CDH2: variants seen among roughly 807,000 people sequenced by gnomAD.
CDH2 encodes the protein cadherin 2, also known as cadherin-2.
Under a neutral mutation model 92.0 loss-of-function variants are expected in CDH2, and 17 were observed. That is an observed-to-expected ratio of 0.18 (90% CI 0.13 to 0.28). CDH2 has a LOEUF of 0.28. Ranked by LOEUF, CDH2 falls within the 10% of genes least tolerant of loss-of-function variation. The pLI, the probability that CDH2 is intolerant of heterozygous loss-of-function variation, is 1.00. For synonymous variants in CDH2, 419 were observed against 415.9 expected (o/e 1.01, Z -0.09); for missense variants, 862 against 1,133.1 (o/e 0.76, Z 3.44).
intron 2 of CDH2, among the ~76,000 whole-genome samples, chr18:28,123,373 T>G (rs2015623824): frequency 6.6e-6 from 1 of 152,306 alleles, no homozygotes; most frequent in Admixed American, 6.5e-5. Context: ...TTTCATAAAA[T>G]GAAGAATTTT....
At chr18:28,040,925 T>C (rs2013935720) in intron 2 of CDH2, among the ~76,000 whole-genome samples, 2 of 152,122 alleles carry the variant, frequency 1.3e-5, no homozygotes, top group South Asian at 4.1e-4. Context: ...CTCTAAAAGG[T>C]AGATGTTACT....
chr18:27,975,814 T>C (rs1257593165), intron 14 of CDH2, among the ~76,000 whole-genome samples: 1 of 151,918 alleles, frequency 6.6e-6, no homozygotes, highest in African/African-American at 2.4e-5. Context: ...TGAAGGATGG[T>C]GAATGTGGAG....
At chr18:27,962,319 CAGCATATATTTTAGGA>C (rs1345861788) in intron 15 of CDH2, among the ~76,000 whole-genome samples, 1 of 152,146 alleles carries the variant, frequency 6.6e-6, no homozygotes, top group Non-Finnish European at 1.5e-5. Flanking sequence ...TTCAGAAAGG[CAGCATATATTTTAGGA>C]ACAGACAGTA....
intron 2 of CDH2, among the ~76,000 whole-genome samples, chr18:28,036,306 T>C (rs1266819141): frequency 6.6e-6 from 1 of 152,182 alleles, no homozygotes; most frequent in Admixed American, 6.6e-5. Flanking sequence ...TCTGTGATTA[T>C]GTTTTAGTTT....
At chr18:28,100,433 G>A (rs1190399965) in intron 2 of CDH2, among the ~76,000 whole-genome samples, 2 of 151,566 alleles carry the variant, frequency 1.3e-5, no homozygotes, top group African/African-American at 4.9e-5. Flanking sequence ...CCTTCAGATT[G>A]GACTACACCA....
intron 1 of CDH2, among the ~76,000 whole-genome samples, chr18:28,161,354 A>G (rs2016303848): frequency 6.6e-6 from 1 of 152,088 alleles, no homozygotes; most frequent in Non-Finnish European, 1.5e-5. Context: ...CAAGGCGGGC[A>G]TATCACCTAA....
At chr18:28,099,707 A>G (rs1229324306) in intron 2 of CDH2, among the ~76,000 whole-genome samples, 1 of 152,124 alleles carries the variant, frequency 6.6e-6, no homozygotes, top group African/African-American at 2.4e-5. Context: ...CCTTGATAAG[A>G]AAACAAGGCC....
rs549173704 is a variant in CDH2 at position 28,074,140 on chromosome 18, A to G, written c.173-60231T>C. On this transcript the variant is annotated intron_variant, in intron 2 of 15. Coordinates refer to ENST00000269141, the MANE Select transcript of CDH2 (RefSeq NM_001792.5). ...AATGACAACTTGTATTTACATGAAC[A>G]AAGAGGTACAAAGTAGTCATGTAAA... Among the ~76,000 whole-genome samples the G allele has an allele frequency of 2.0e-5, 3 of 152,310 alleles. No individual in the cohort carries two copies. The South Asian group carries it at 6.2e-4, about 32-fold the overall frequency.
chr18:28,075,407 C>T (rs1052599716), intron 2 of CDH2, among the ~76,000 whole-genome samples: 8 of 152,058 alleles, frequency 5.3e-5, no homozygotes, highest in African/African-American at 9.7e-5. Context: ...CTTCTATTTC[C>T]AGGGCCACAC....
chr18:28,038,352 G>T (rs1323152592), intron 2 of CDH2, among the ~76,000 whole-genome samples: 1 of 152,060 alleles, frequency 6.6e-6, no homozygotes, highest in Non-Finnish European at 1.5e-5. Context: ...TAGCCTGGGA[G>T]GTGGAGGCTA....
chr18:28,047,586 T>C (rs1220019), intron 2 of CDH2, among the ~76,000 whole-genome samples: 81,003 of 151,850 alleles, frequency 0.53, 22,260 homozygotes, highest in African/African-American at 0.67. Flanking sequence ...AGAATGAAAC[T>C]GGCCGGGCGC....
chr18:28,163,393 C>T (rs890780535), intron 1 of CDH2, among the ~76,000 whole-genome samples: 3 of 152,214 alleles, frequency 2.0e-5, no homozygotes, highest in Admixed American at 1.3e-4. Context: ...TGTTCCATCA[C>T]CTGGGAGTCT....
chr18:27,938,797 G>T (rs551755841), intron 6 of CDH2, among the ~76,000 whole-genome samples: 6 of 152,106 alleles, frequency 3.9e-5, no homozygotes, highest in Non-Finnish European at 8.8e-5. Flanking sequence ...TAATCTAGCA[G>T]AATTTAAGAC....
At chr18:28,065,112 A>AG (rs2014481602) in intron 2 of CDH2, among the ~76,000 whole-genome samples, 3 of 152,310 alleles carry the variant, frequency 2.0e-5, no homozygotes, top group Admixed American at 1.3e-4. Context: ...CTAGATTCAC[A>AG]GTAACTATCC....
chr18:28,015,958 C>A (rs190166902), intron 2 of CDH2, among the ~76,000 whole-genome samples: 17 of 152,300 alleles, frequency 1.1e-4, no homozygotes, highest in Admixed American at 2.0e-4. Flanking sequence ...CTGCAGTCAT[C>A]CCCTACCTCG....
chr18:27,945,954 T>G (rs1479343121), intron 6 of CDH2, among the ~76,000 whole-genome samples: 1 of 152,038 alleles, frequency 6.6e-6, no homozygotes, highest in Non-Finnish European at 1.5e-5. Flanking sequence ...CAGACTAAAA[T>G]CACACACATA....
chr18:27,947,923 GATATA>G (rs1909316935), downstream of CDH2, among the ~76,000 whole-genome samples: 1 of 150,030 alleles, frequency 6.7e-6, no homozygotes. Flanking sequence ...AGATATAAGT[GATATA>G]ACTTTGATAT....
intron 14 of CDH2, among the ~76,000 whole-genome samples, chr18:27,966,173 G>C (rs2011531042): frequency 6.6e-6 from 1 of 152,018 alleles, no homozygotes; most frequent in African/African-American, 2.4e-5. Flanking sequence ...CCTTAAAATG[G>C]GGGAAAATAG....
At chr18:28,156,225 T>A (rs2016208097) in intron 1 of CDH2, among the ~76,000 whole-genome samples, 1 of 152,212 alleles carries the variant, frequency 6.6e-6, no homozygotes, top group African/African-American at 2.4e-5. Context: ...CTCATTGTCA[T>A]TTCTTTTAAT....
Sources: allele counts gnomAD v4.1 joint callset (sites outside exome capture counted in the v4.1 genomes callset), GRCh38; gene constraint gnomAD v4.1.1; transcripts MANE v1.5; gene names NCBI Gene and HGNC (gene_info 2026-07-23, HGNC 2026-07-21).